RORA: variants seen among roughly 807,000 people sequenced by gnomAD.
RORA encodes the protein nuclear receptor ROR-alpha.
Under a neutral mutation model 69.5 loss-of-function variants are expected in RORA, and 7 were observed. That is an observed-to-expected ratio of 0.10 (90% confidence interval 0.06 to 0.19). The LOEUF (loss-of-function observed/expected upper bound fraction) is 0.19. Among genes scored for constraint, RORA ranks in the 10% least tolerant of loss-of-function variants. RORA has a pLI of 1.00. For synonymous variants in RORA, 261 were observed against 240.8 expected (o/e 1.08, Z -0.78); for missense variants, 457 against 663.0 (o/e 0.69, Z 3.41).
At chr15:61,158,803 A>G (rs2140881186) in intron 1 of RORA, among the ~76,000 whole-genome samples, 1 of 152,342 alleles carries the variant, frequency 6.6e-6, no homozygotes, top group Middle Eastern at 3.4e-3. Flanking sequence ...GTTCCTCTTC[A>G]GGAGTGAGTC....
chr15:60,957,247 C>T (rs1231861060), intron 1 of RORA, among the ~76,000 whole-genome samples: 1 of 152,166 alleles, frequency 6.6e-6, no homozygotes, highest in South Asian at 2.1e-4. Context: ...AGACACTTTG[C>T]GGGCTATAAG....
At chr15:60,845,736 T>C (rs1462373912) in intron 1 of RORA, among the ~76,000 whole-genome samples, 1 of 152,230 alleles carries the variant, frequency 6.6e-6, no homozygotes, top group Non-Finnish European at 1.5e-5. Context: ...CACCTCAGTA[T>C]GTGAAGCCAT....
intron 1 of RORA, among the ~76,000 whole-genome samples, chr15:61,170,120 A>C (rs893882207): frequency 6.6e-6 from 1 of 152,194 alleles, no homozygotes; most frequent in Non-Finnish European, 1.5e-5. Context: ...GGGTTGAGTC[A>C]TAAGACTTCC....
chr15:60,929,937 G>T (rs1892329501), intron 1 of RORA, among the ~76,000 whole-genome samples: 1 of 152,042 alleles, frequency 6.6e-6, no homozygotes, highest in Non-Finnish European at 1.5e-5. Flanking sequence ...GCACATTTTG[G>T]ATCAACACGT....
At chr15:60,910,298 C>T (rs2140477762) in intron 1 of RORA, among the ~76,000 whole-genome samples, 1 of 152,290 alleles carries the variant, frequency 6.6e-6, no homozygotes, top group East Asian at 1.9e-4. Flanking sequence ...TGGAAACTAA[C>T]CCAGAATCTT....
intron 1 of RORA, among the ~76,000 whole-genome samples, chr15:60,710,600 A>G (rs2071129738): frequency 6.6e-6 from 1 of 152,222 alleles, no homozygotes; most frequent in Non-Finnish European, 1.5e-5. Context: ...GTGGTGCAGG[A>G]TATGTTCAAG....
chr15:60,710,991 C>G (rs2071135587), intron 1 of RORA, among the ~76,000 whole-genome samples: 2 of 152,176 alleles, frequency 1.3e-5, no homozygotes, highest in African/African-American at 4.8e-5. Flanking sequence ...AAGGAAGCTC[C>G]ATGCTTAACA....
At chr15:60,816,944 A>T (rs2072826449) in intron 1 of RORA, among the ~76,000 whole-genome samples, 2 of 152,062 alleles carry the variant, frequency 1.3e-5, no homozygotes, top group Non-Finnish European at 2.9e-5. Context: ...TAGTGTATGC[A>T]TTCTAGCTTT....
At chr15:60,902,959 GAC>G (rs1337042843) in intron 1 of RORA, among the ~76,000 whole-genome samples, 1 of 152,248 alleles carries the variant, frequency 6.6e-6, no homozygotes, top group Non-Finnish European at 1.5e-5. Flanking sequence ...ATATCTGCCA[GAC>G]ACAATAAATA....
intron 2 of RORA, chr15:60,544,856 T>G (rs2067018674): frequency 6.6e-6 from 1 of 152,226 alleles, no homozygotes. Context: ...GCTACACTGT[T>G]CCCACCTGCA....
intron 1 of RORA, among the ~76,000 whole-genome samples, chr15:60,712,671 AG>A (rs1270602373): frequency 6.6e-6 from 1 of 152,200 alleles, no homozygotes; most frequent in Non-Finnish European, 1.5e-5. Context: ...CCAGAAGACA[AG>A]CCTTTCTTGC....
At chr15:61,014,937 T>C (rs1460695201) in intron 1 of RORA, among the ~76,000 whole-genome samples, 2 of 152,236 alleles carry the variant, frequency 1.3e-5, no homozygotes, top group African/African-American at 2.4e-5. Context: ...TAATCTGAGA[T>C]ATTTTATCTG....
At chr15:60,664,501 A>G (rs1596107753) in intron 2 of RORA, among the ~76,000 whole-genome samples, 1 of 152,222 alleles carries the variant, frequency 6.6e-6, no homozygotes. Flanking sequence ...TCAACTTCAG[A>G]AGCCTAAAAG....
chr15:60,676,826 A>G (rs1040491588), intron 2 of RORA, among the ~76,000 whole-genome samples: 7 of 152,314 alleles, frequency 4.6e-5, no homozygotes, highest in African/African-American at 1.4e-4. Flanking sequence ...TGTTTCTGCA[A>G]TAGCCCAAGA....
At chr15:61,098,112 C>G (rs778410029) in intron 1 of RORA, among the ~76,000 whole-genome samples, 45 of 142,914 alleles carry the variant, frequency 3.1e-4, no homozygotes, top group Admixed American at 2.1e-4. Flanking sequence ...TCCCTCCCTC[C>G]CTCCTTCCTT....
At chr15:60,694,567 A>T (rs1480005570) in intron 1 of RORA, among the ~76,000 whole-genome samples, 2 of 152,170 alleles carry the variant, frequency 1.3e-5, no homozygotes, top group Admixed American at 1.3e-4. Flanking sequence ...CCCACCTTGT[A>T]TTTGTGAGCA....
intron 1 of RORA, among the ~76,000 whole-genome samples, chr15:61,129,887 A>G (rs985843728): frequency 2.4e-4 from 36 of 152,238 alleles, no homozygotes; most frequent in Admixed American, 7.2e-4. Flanking sequence ...TTAATCAAAA[A>G]GACCAACACA....
intron 1 of RORA, among the ~76,000 whole-genome samples, chr15:60,858,628 G>A (rs1460823736): frequency 6.6e-6 from 1 of 151,270 alleles, no homozygotes; most frequent in Admixed American, 6.6e-5. Flanking sequence ...AAAGAACCTG[G>A]GGAAATCAAA....
chr15:60,841,094 G>T, intron 1 of RORA: 1 of 985,118 alleles, frequency 1.0e-6, no homozygotes, highest in Non-Finnish European at 1.2e-6. Context: ...CTCCCCGTGA[G>T]CATTTTTTCA....
Sources: allele counts gnomAD v4.1 joint callset (sites outside exome capture counted in the v4.1 genomes callset), GRCh38; gene constraint gnomAD v4.1.1; transcripts MANE v1.5; gene names NCBI Gene and HGNC (gene_info 2026-07-23, HGNC 2026-07-21).